FHOD3: variants seen among roughly 807,000 people sequenced by gnomAD.
FHOD3 encodes FH1/FH2 domain-containing protein 3.
A neutral mutation model predicts 173.0 loss-of-function variants in FHOD3; 90 were observed. The ratio of observed to expected loss-of-function variants is 0.52; its 90% CI spans 0.44 to 0.62. The LOEUF (loss-of-function observed/expected upper bound fraction) is 0.62, where lower values mean the gene tolerates loss of function less well. Among genes scored for constraint, FHOD3 ranks in the 20% least tolerant of loss-of-function variants. The pLI, the probability that FHOD3 is intolerant of heterozygous loss-of-function variation, is 0.00. For synonymous variants in FHOD3, 828 were observed against 823.0 expected (o/e 1.01, Z -0.10); for missense variants, 1,945 against 2,034.7 (o/e 0.96, Z 0.85).
intron 5 of FHOD3, among the ~76,000 whole-genome samples, chr18:36,562,108 C>G (rs1417594501): frequency 6.6e-6 from 1 of 152,104 alleles, no homozygotes; most frequent in Non-Finnish European, 1.5e-5. Flanking sequence ...CCTCCGCCTC[C>G]CGGATTCAAG....
In FHOD3 at chr18:36,391,942, C is replaced by T. The variant is rs564721990; in HGVS notation, c.337+19198C>T. 2.0e-5 allele frequency among the ~76,000 whole-genome samples: 3 copies of T among 152,274 alleles called. No individual in the cohort carries two copies. The South Asian group carries it at 6.2e-4, about 32-fold the overall frequency. On this transcript the variant is annotated intron_variant, in intron 3 of 28. Coordinates refer to ENST00000590592, the MANE Select transcript of FHOD3 (RefSeq NM_001281740.3). Reference sequence around the variant, plus strand: ...AAAATGGCTTGTGGTCTTCTTTGTCCCCCACAGCTGAGATGGGGCATGTAA... The same window carrying T: ...AAAATGGCTTGTGGTCTTCTTTGTCTCCCACAGCTGAGATGGGGCATGTAA...
intron 14 of FHOD3, among the ~76,000 whole-genome samples, chr18:36,666,430 C>T (rs2037185472): frequency 1.3e-5 from 2 of 152,152 alleles, no homozygotes; most frequent in African/African-American, 4.8e-5. Context: ...CAAGCAAATG[C>T]CTTTTACAAC....
chr18:36,298,677 G>T (rs1489188374), intron 1 of FHOD3, among the ~76,000 whole-genome samples: 1 of 152,186 alleles, frequency 6.6e-6, no homozygotes, highest in Non-Finnish European at 1.5e-5. Flanking sequence ...CGGAGGGGCG[G>T]CGCGCTCACA....
intron 9 of FHOD3, among the ~76,000 whole-genome samples, chr18:36,622,726 C>G (rs928253554): frequency 1.3e-5 from 2 of 152,146 alleles, no homozygotes; most frequent in African/African-American, 4.8e-5. Flanking sequence ...CCTAAATAAG[C>G]CTTGGGTGAA....
intron 10 of FHOD3, among the ~76,000 whole-genome samples, chr18:36,644,749 C>T (rs1600058331): frequency 6.6e-6 from 1 of 152,284 alleles, no homozygotes; most frequent in South Asian, 2.1e-4. Context: ...ATGCATTCCT[C>T]CTAGGGGATA....
At chr18:36,479,091 G>A (rs1250652128) in intron 3 of FHOD3, among the ~76,000 whole-genome samples, 1 of 152,172 alleles carries the variant, frequency 6.6e-6, no homozygotes, top group Non-Finnish European at 1.5e-5. Context: ...CCTTTCCAGT[G>A]GCCATTGCTG....
chr18:36,443,008 C>A (rs1264453402), intron 3 of FHOD3, among the ~76,000 whole-genome samples: 1 of 152,174 alleles, frequency 6.6e-6, no homozygotes, highest in East Asian at 1.9e-4. Context: ...TGATTGATTT[C>A]AAGTTATACA....
chr18:36,570,040 GA>G (rs1364613394), intron 5 of FHOD3, among the ~76,000 whole-genome samples: 4 of 150,734 alleles, frequency 2.7e-5, no homozygotes, highest in Non-Finnish European at 5.9e-5. Flanking sequence ...GTAGAAGGAA[GA>G]AAATAATAAA....
intron 4 of FHOD3, among the ~76,000 whole-genome samples, chr18:36,512,097 C>A (rs780148740): frequency 1.3e-5 from 2 of 152,250 alleles, no homozygotes; most frequent in Non-Finnish European, 2.9e-5. Context: ...GCAAGCTTCT[C>A]CGTGGCCAGT....
At chr18:36,673,662 T>C (rs657171) in intron 14 of FHOD3, among the ~76,000 whole-genome samples, 108,283 of 151,866 alleles carry the variant, frequency 0.71, 38,699 homozygotes, top group East Asian at 0.77. Flanking sequence ...CCTCGATCTG[T>C]CCTCCACACT....
intron 10 of FHOD3, among the ~76,000 whole-genome samples, chr18:36,642,539 C>T (rs543642695): frequency 2.0e-4 from 28 of 139,194 alleles, no homozygotes; most frequent in Non-Finnish European, 3.6e-4. Context: ...GCCGAGAGAG[C>T]GCCGCTGCAC....
intron 14 of FHOD3, among the ~76,000 whole-genome samples, chr18:36,678,348 G>A (rs2037996614): frequency 1.3e-5 from 2 of 151,832 alleles, no homozygotes; most frequent in Non-Finnish European, 2.9e-5. Context: ...ACCAGCTTGA[G>A]CAACATGGCA....
intron 10 of FHOD3, among the ~76,000 whole-genome samples, chr18:36,629,415 C>G (rs899245553): frequency 1.3e-5 from 2 of 152,158 alleles, no homozygotes; most frequent in Admixed American, 1.3e-4. Context: ...GTGAAAACCA[C>G]TCTTAGCTCA....
intron 1 of FHOD3, among the ~76,000 whole-genome samples, chr18:36,338,022 G>A (rs2045413752): frequency 6.6e-6 from 1 of 152,204 alleles, no homozygotes; most frequent in Non-Finnish European, 1.5e-5. Flanking sequence ...AACCAGGGCT[G>A]TCTGGTCACA....
intron 1 of FHOD3, among the ~76,000 whole-genome samples, chr18:36,314,709 T>C (rs2044034490): frequency 6.6e-6 from 1 of 152,206 alleles, no homozygotes; most frequent in South Asian, 2.1e-4. Flanking sequence ...CAGGGCATCT[T>C]ATACTTTCAA....
chr18:36,761,566 C>T (rs998765218), intron 27 of FHOD3, among the ~76,000 whole-genome samples: 1 of 152,120 alleles, frequency 6.6e-6, no homozygotes, highest in African/African-American at 2.4e-5. Context: ...CTTCTCCGCA[C>T]GCTGCTCGTC....
chr18:36,453,895 T>G (rs1230419931), intron 3 of FHOD3, among the ~76,000 whole-genome samples: 2 of 152,238 alleles, frequency 1.3e-5, no homozygotes, highest in Admixed American at 1.3e-4. Context: ...GACATGACTC[T>G]GGAAGTTTTA....
In FHOD3 at chr18:36,742,782, T is replaced by G; in HGVS notation, c.3805T>G (p.Leu1269Val). ...LLDLKEGIDQ[L>V]ENNKTLGFIL... ...GGACCTGAAGGAAGGAATAGACCAG[T>G]TGGAGAACAATAAAACCTTGGGCTT... is the stretch of plus-strand genomic sequence containing the variant. The change falls in exon 22 of 29, where the codon TTG becomes GTG. Residue 1269 changes from leucine (L) to valine (V), a missense_variant. This residue lies in a region of FHOD3 where 231 missense variants were observed against 321.9 expected (regional missense o/e 0.72). Transcript: ENST00000590592. 1.2e-6 allele frequency: 2 copies of G among 1,614,056 alleles called. No individual in the cohort carries two copies. The highest frequency in any genetic ancestry group is 2.7e-5 in the African/African-American group (2 of 75,030).
intron 5 of FHOD3, among the ~76,000 whole-genome samples, chr18:36,532,739 C>G (rs543831510): frequency 1.3e-5 from 2 of 152,214 alleles, no homozygotes; most frequent in Admixed American, 1.3e-4. Context: ...CACCTGGAAG[C>G]AGAGAAATCA....
Sources: gnomAD v4.1 joint callset for allele counts (sites outside exome capture counted in the v4.1 genomes callset) on GRCh38, gnomAD v4.1.1 for gene constraint, gnomAD v4.1.1 regional missense constraint, MANE v1.5 for transcripts, NCBI Gene and HGNC (gene_info 2026-07-23, HGNC 2026-07-21) for gene names.